The following GSTA3 variants were observed in gnomAD, a reference collection of about 807,000 sequenced individuals.
GSTA3 encodes the protein glutathione S-transferase A3.
A neutral mutation model predicts 23.1 loss-of-function variants in GSTA3; 16 were observed. That is an observed-to-expected ratio of 0.69 (90% CI 0.47 to 1.05). GSTA3 has a LOEUF of 1.05. GSTA3 is among the 50% of genes least tolerant of loss of function. GSTA3 has a pLI of 0.00. For synonymous variants in GSTA3, 122 were observed against 91.0 expected, an observed-to-expected ratio of 1.34 and a Z score of -1.94; for missense variants, 319 against 263.6, an observed-to-expected ratio of 1.21 and a Z score of -1.46.
chr6:52,906,395 AT>A (rs1313447582), intron 1 of GSTA3, among the ~76,000 whole-genome samples: 1 of 152,170 alleles, frequency 6.6e-6, no homozygotes, highest in African/African-American at 2.4e-5. Context: ...ATTATTGACT[AT>A]TTACAGCCTG....
intron 2 of GSTA3, among the ~76,000 whole-genome samples, chr6:52,904,435 C>G (rs555335628): frequency 5.6e-4 from 85 of 152,264 alleles, no homozygotes; most frequent in Middle Eastern, 3.4e-3. Context: ...AGAAAACAAC[C>G]TGGAATGGAA....
At chr6:52,898,515 C>G (rs996956655) in intron 5 of GSTA3, among the ~76,000 whole-genome samples, 1 of 152,080 alleles carries the variant, frequency 6.6e-6, no homozygotes, top group Non-Finnish European at 1.5e-5. Flanking sequence ...ATAGAGAATT[C>G]TATATTGGGG....
intron 1 of GSTA3, among the ~76,000 whole-genome samples, chr6:52,907,904 G>GCATGGCA (rs1451373357): frequency 6.6e-6 from 1 of 151,586 alleles, no homozygotes; most frequent in Admixed American, 6.6e-5. Context: ...CAGCACACCA[G>GCATGGCA]CATGGCACAT....
In GSTA3 at chr6:52,902,201, A is replaced by T. The variant is rs1465897370; in HGVS notation, c.272+145T>A. ...TTCACTGTTTCCTCATCCCCATGGG[A>T]CTCTGCAATACTGGACCTCAGTATA... On this transcript the variant is annotated intron_variant, in intron 4 of 6. Coordinates refer to ENST00000211122, the MANE Select transcript of GSTA3 (RefSeq NM_000847.5). 8.0e-6 allele frequency: 7 copies of T among 875,466 alleles called. No individual in the cohort carries two copies. In the African/African-American group the frequency reaches 8.6e-5, roughly 11 times the overall value. 54.2% of individuals were successfully genotyped at this position (875,466 alleles called of 1,614,324 possible). A position where few individuals can be genotyped will look rare whatever the true frequency, so the allele number is the denominator to read the frequency against.
chr6:52,898,028 T>C, intron 5 of GSTA3, 72 bp from the exon 6 acceptor site: 2 of 1,564,482 alleles, frequency 1.3e-6, no homozygotes, highest in Non-Finnish European at 1.8e-6. Flanking sequence ...TCCCTGAGTC[T>C]TTCCAGCCTG....
intron 2 of GSTA3, among the ~76,000 whole-genome samples, chr6:52,904,079 C>T (rs1032492045): frequency 2.0e-5 from 3 of 152,010 alleles, no homozygotes; most frequent in African/African-American, 7.2e-5. Flanking sequence ...CTTGATCTAC[C>T]AGGCCCAAGT....
At chr6:52,901,989 T>G (rs965033203) in intron 4 of GSTA3, among the ~76,000 whole-genome samples, 3 of 152,186 alleles carry the variant, frequency 2.0e-5, no homozygotes, top group Non-Finnish European at 2.9e-5. Flanking sequence ...CTACAGACTC[T>G]CAAACATTCT....
In GSTA3 at chr6:52,902,613, T is replaced by TTTTG; in HGVS notation, c.140-136_140-135insCAAA. On this transcript the variant is annotated intron_variant, in intron 3 of 6. Transcript: ENST00000211122. The stretch of plus-strand genomic sequence containing the variant: ...TTGCCTGCTAACCTCAAAAACGAAA[T>TTTTG]AGTATTTTGATTTTAGCTGCCTGTA... 4.5e-6 allele frequency: 4 copies of TTTTG among 880,144 alleles called. No individual in the cohort carries two copies. The Admixed American group carries it at 1.0e-4, about 23-fold the overall frequency. 54.5% of individuals were successfully genotyped at this position (880,144 alleles called of 1,614,324 possible).
rs576462493 is a variant in GSTA3, at chr6:52,898,014, C to T, written c.415-58G>A. 49 of 1,598,418 alleles carry T rather than the reference C, an allele frequency of 3.1e-5. No individual in the cohort carries two copies. The East Asian group carries it at 1.0e-3, about 34-fold the overall frequency. ...ATGCGCACCCAGGATGGGACCCCTG[C>T]TTCTCCCTGAGTCTTTCCAGCCTGA... On this transcript the variant is annotated intron_variant, in intron 5 of 6. Coordinates refer to ENST00000211122, the MANE Select transcript of GSTA3 (RefSeq NM_000847.5).
chr6:52,907,743 A>G (rs1054791433), intron 1 of GSTA3, among the ~76,000 whole-genome samples: 4 of 148,718 alleles, frequency 2.7e-5, no homozygotes, highest in Non-Finnish European at 5.9e-5. Context: ...CAAACACCGC[A>G]TGTTCTCACT....
chr6:52,906,114 A>C (rs914798823), intron 1 of GSTA3, among the ~76,000 whole-genome samples: 1 of 152,142 alleles, frequency 6.6e-6, no homozygotes, highest in East Asian at 1.9e-4. Flanking sequence ...TATTCCAGGC[A>C]CTACTGACTT....
chr6:52,908,465 T>C (rs989430688), intron 1 of GSTA3, among the ~76,000 whole-genome samples: 4 of 152,112 alleles, frequency 2.6e-5, no homozygotes, highest in African/African-American at 7.2e-5. Flanking sequence ...CAGTGAAACA[T>C]GGCCACATCA....
intron 1 of GSTA3, among the ~76,000 whole-genome samples, chr6:52,908,183 C>G (rs944765385): frequency 1.0e-4 from 15 of 147,268 alleles, no homozygotes; most frequent in Non-Finnish European, 2.1e-4. Context: ...TGCCATTTGC[C>G]TATAGCGCTC....
At chr6:52,906,903 G>A (rs977438609) in intron 1 of GSTA3, among the ~76,000 whole-genome samples, 7 of 151,056 alleles carry the variant, frequency 4.6e-5, no homozygotes, top group Admixed American at 6.6e-5. Context: ...ATAGGCATGG[G>A]CAAGGACTTC....
At chr6:52,903,431 CAAAA>C in intron 3 of GSTA3, among the ~76,000 whole-genome samples, 1 of 121,234 alleles carries the variant, frequency 8.2e-6, no homozygotes, top group South Asian at 2.7e-4. Flanking sequence ...ACTAAAAATA[CAAAA>C]AAAAAAAAAA....
chr6:52,898,070 T>G, intron 5 of GSTA3, 114 bp from the exon 6 acceptor site: 1 of 1,200,224 alleles, frequency 8.3e-7, no homozygotes, highest in South Asian at 1.3e-5. Flanking sequence ...AACTGGATGG[T>G]GTGAAGGTCC....
chr6:52,900,167 G>T, intron 4 of GSTA3, 92 bp from the exon 5 acceptor site: 4 of 1,097,298 alleles, frequency 3.6e-6, no homozygotes, highest in Non-Finnish European at 2.6e-6. Flanking sequence ...GTCAGATGGT[G>T]GTAAGGTAAT....
At chr6:52,903,833 A>T (rs1765788973) in intron 2 of GSTA3, 106 bp from the exon 3 acceptor site, 1 of 700,278 alleles carries the variant, frequency 1.4e-6, no homozygotes, top group Non-Finnish European at 2.5e-6. Flanking sequence ...AGAACATAAG[A>T]TTTCTGAGTT....
chr6:52,907,834 G>T lies in GSTA3; in HGVS notation c.-22+1807C>A, dbSNP rs6930107. Among the ~76,000 whole-genome samples the T allele has an allele frequency of 8.8e-4, 93 of 105,986 alleles. 1 individual carries two copies. The highest frequency in any genetic ancestry group is 2.6e-3 in the African/African-American group (76 of 29,798). The allele number at this position is 105,986 out of a possible 152,430, so 69.5% of individuals were successfully genotyped here. ...CTCTGGGGACTGTTGTGGGGTGGGG[G>T]GAGGGGGGAGGGATAGCATTGGGAG... On this transcript the variant is annotated intron_variant, in intron 1 of 6. Transcript: ENST00000211122.
Sources: allele counts gnomAD v4.1 joint callset (sites outside exome capture counted in the v4.1 genomes callset), GRCh38; gene constraint gnomAD v4.1.1; transcripts MANE v1.5; gene names NCBI Gene and HGNC (gene_info 2026-07-23, HGNC 2026-07-21).